Variants in GTF2F1 observed in about 807,000 individuals in gnomAD.
GTF2F1 encodes the protein general transcription factor IIF subunit 1.
In GTF2F1, 39 loss-of-function variants were observed where a neutral mutation model predicts 63.5. That is an observed-to-expected ratio of 0.61 (90% CI 0.48 to 0.80). The LOEUF (loss-of-function observed/expected upper bound fraction) is 0.80. Ranked by LOEUF, GTF2F1 falls within the 30% of genes least tolerant of loss-of-function variation. The probability of loss-of-function intolerance (pLI) is 0.00; values close to 1 mark genes in which losing one functional copy is unlikely to be tolerated. For missense variants in GTF2F1, 657 were observed against 718.3 expected (o/e 0.91, Z 0.97); for synonymous variants, 287 against 285.3 (o/e 1.01, Z -0.06).
At chr19:6,385,081 AGATTTAACATCT>A (rs1162768140) in intron 5 of GTF2F1, among the ~76,000 whole-genome samples, 1 of 152,066 alleles carries the variant, frequency 6.6e-6, no homozygotes, top group African/African-American at 2.4e-5. Flanking sequence ...TTAGCTAAGT[AGATTTAACATCT>A]GATCAAGAGA....
intron 6 of GTF2F1, among the ~76,000 whole-genome samples, chr19:6,382,054 C>G (rs550070869): frequency 6.6e-6 from 1 of 152,094 alleles, no homozygotes; most frequent in Non-Finnish European, 1.5e-5. Context: ...CCTTCTCTAG[C>G]GCTCACAGAC....
In GTF2F1 at chr19:6,391,088, G is replaced by A. The variant is rs115920954; in HGVS notation, c.132+814C>T. On this transcript the variant is annotated intron_variant, in intron 3 of 12. Transcript: ENST00000394456. ...TCTCATAACCTCCACTGCCTCCAGT[G>A]CCCTGCCAGGACTCACCTAGACCAG... Among the ~76,000 whole-genome samples, 1,191 of 152,176 alleles carry A rather than the reference G, an allele frequency of 7.8e-3. 11 individuals carry two copies. The highest frequency in any genetic ancestry group is 0.028 in the African/African-American group (1,143 of 41,510).
chr19:6,384,603 G>A (rs1201951266), intron 5 of GTF2F1, among the ~76,000 whole-genome samples: 1 of 151,590 alleles, frequency 6.6e-6, no homozygotes, highest in Non-Finnish European at 1.5e-5. Context: ...GCTTAACACT[G>A]TGAGTGGCTT....
At position 6,387,192 on chromosome 19, in the gene GTF2F1, C is replaced by T. The variant is rs2091976919; in HGVS notation, c.497+197G>A. The T allele has an allele frequency of 7.1e-6, 3 of 424,322 alleles. No individual in the cohort carries two copies. In the South Asian group the frequency reaches 7.4e-5, roughly 11 times the overall value. 26.3% of individuals were successfully genotyped at this position (424,322 alleles called of 1,614,324 possible). ...GTCACAGACTCTGGCTCTGGCAGCA[C>T]CCTCTGGGGTGCCCCATTGTGGCCC... On this transcript the variant is annotated intron_variant, in intron 5 of 12. Coordinates refer to ENST00000394456, the MANE Select transcript of GTF2F1 (RefSeq NM_002096.3).
rs949605746 is a variant in GTF2F1, at chr19:6,380,548, C to T, written c.1349+25G>A. ...ATTGTCCCCAGTAGCCCTTGCCCTG[C>T]CCCCTGCTGTCCTCGTCAACTTACC... On this transcript the variant is annotated intron_variant, in intron 12 of 12. Transcript: ENST00000394456. This position sits in a 1 kb window ranked among gnomAD's most constrained non-coding sequence, Gnocchi z 5.3. The T allele has an allele frequency of 2.5e-6, 4 of 1,611,938 alleles. No homozygotes were observed. The highest frequency in any genetic ancestry group is 3.4e-6 in the Non-Finnish European group (4 of 1,178,138).
At position 6,381,028 on chromosome 19, in the gene GTF2F1, T is replaced by C. The variant is rs2091946248; in HGVS notation, c.1107A>G (p.Pro369=). The stretch of plus-strand genomic sequence containing the variant: ...CCGACGGCTTCCGCTCTCTCTTGGG[T>C]GGCGTCTTCTTCTTCTGCAGAGGTC... ...SALFMAKKKT[P]PKRERKPSGG... Residue 369 remains proline, a synonymous_variant, in exon 11 of 13, where the codon CCA becomes CCG. Coordinates refer to ENST00000394456, the MANE Select transcript of GTF2F1 (RefSeq NM_002096.3). The surrounding 1 kb of genome is among the most constrained non-coding windows in gnomAD (Gnocchi z 4.1). 1 of 1,611,734 alleles carries C rather than the reference T, an allele frequency of 6.2e-7. No homozygotes were observed. The highest frequency in any genetic ancestry group is 8.5e-7 in the Non-Finnish European group (1 of 1,179,218).
chr19:6,381,361 T>G lies in GTF2F1; in HGVS notation c.1016A>C (p.Lys339Thr), dbSNP rs763550758. ...TATGGGGGCCACATGCGCCGCACCT[T>G]TCCTGCGCTTCTTCTCCTGCGGGGT... ...APTPQEKKRR[K>T]DSSEESDSSE... The change falls in exon 9 of 13, where the codon AAA becomes ACA. Residue 339 changes from lysine to threonine, a missense_variant and splice_region_variant. Around this residue, in one of 2 missense-constraint regions of GTF2F1, gnomAD observed 602 missense variants for 625.6 expected, o/e 0.96. Transcript: ENST00000394456. The surrounding 1 kb of genome is among the most constrained non-coding windows in gnomAD (Gnocchi z 4.1). 2 of 1,596,558 alleles carry G rather than the reference T, an allele frequency of 1.3e-6. No homozygotes were observed. Among genetic ancestry groups the G allele is most frequent in the Non-Finnish European group, 1.7e-6 (2 of 1,171,734 alleles).
intron 3 of GTF2F1, among the ~76,000 whole-genome samples, chr19:6,391,445 T>G (rs956803484): frequency 8.3e-5 from 11 of 132,094 alleles, no homozygotes; most frequent in East Asian, 6.4e-4. Flanking sequence ...TTCCGTTTTT[T>G]TTTTTTTTTT....
In GTF2F1 at chr19:6,380,511, G is replaced by A. The variant is rs776196364; in HGVS notation, c.1350-26C>T. The stretch of plus-strand genomic sequence containing the variant: ...CTGAGGATGGGAGGACGGGGAAGGT[G>A]GCATCAGTGAGATTGTCCCCAGTAG... On this transcript the variant is annotated intron_variant, in intron 12 of 12. Coordinates refer to ENST00000394456, the MANE Select transcript of GTF2F1 (RefSeq NM_002096.3). The surrounding 1 kb of genome is among the most constrained non-coding windows in gnomAD (Gnocchi z 5.3). 6.4e-5 allele frequency: 104 copies of A among 1,612,834 alleles called. No individual in the cohort carries two copies. The highest frequency in any genetic ancestry group is 8.0e-5 in the Non-Finnish European group (94 of 1,178,916).
intron 5 of GTF2F1, among the ~76,000 whole-genome samples, chr19:6,385,131 A>C (rs1014715166): frequency 6.6e-6 from 1 of 151,888 alleles, no homozygotes; most frequent in Non-Finnish European, 1.5e-5. Flanking sequence ...ACCATGGCTC[A>C]CACCTGTAAT....
Position 6,387,468 on chromosome 19 carries a change from C to A in GTF2F1, c.418G>T (p.Val140Leu). ...CPDGAFEAFP[V>L]HNWYNFTPLA... ...GGTGTGAAATTGTACCAGTTGTGCA[C>A]GGGGAAGGCCTCGAAGGCCCCGTCG... Residue 140 changes from valine (V) to leucine (L), a missense_variant, in exon 5 of 13, where the codon GTG becomes TTG. Around this residue, in one of 2 missense-constraint regions of GTF2F1, gnomAD observed 602 missense variants for 625.6 expected, o/e 0.96. Coordinates refer to ENST00000394456, the MANE Select transcript of GTF2F1 (RefSeq NM_002096.3). 1 of 1,614,186 alleles carries A rather than the reference C, an allele frequency of 6.2e-7. No homozygotes were observed. The highest frequency in any genetic ancestry group is 8.5e-7 in the Non-Finnish European group (1 of 1,179,994).
Position 6,391,897 on chromosome 19 carries a change from C to T in GTF2F1, c.132+5G>A, listed in dbSNP as rs1452137408. On this transcript the variant is annotated splice_donor_5th_base_variant and intron_variant, in intron 3 of 12. Transcript: ENST00000394456. ...GCCCCTGACCCCCAGGACTCAGAGA[C>T]TTACCTGATTCCACGTAGCAAAGTT... is the stretch of plus-strand genomic sequence containing the variant. 6.4e-7 allele frequency: 1 copy of T among 1,554,742 alleles called. No individual in the cohort carries two copies. Among genetic ancestry groups the T allele is most frequent in the South Asian group, 1.2e-5 (1 of 85,630 alleles).
chr19:6,382,799 C>CAAAA (rs1159505037), intron 6 of GTF2F1, among the ~76,000 whole-genome samples: 28 of 81,568 alleles, frequency 3.4e-4, no homozygotes, highest in Non-Finnish European at 5.2e-4. Context: ...GATCCTGTCT[C>CAAAA]AAAAAAAAAA....
rs147542094 is a variant in GTF2F1, at chr19:6,381,525, T to C, written c.898+29A>G. On this transcript the variant is annotated intron_variant, in intron 8 of 12. Transcript: ENST00000394456. The surrounding 1 kb of genome is among the most constrained non-coding windows in gnomAD (Gnocchi z 4.1). ...CAAGAGCAGGGAAGCACCGCCCCCATCTCCCCGGCCCGCCCAGCCATCGCC... is the reference window on the plus strand; with the variant it reads ...CAAGAGCAGGGAAGCACCGCCCCCACCTCCCCGGCCCGCCCAGCCATCGCC... The C allele has an allele frequency of 6.2e-7, 1 of 1,610,706 alleles. No individual in the cohort carries two copies. Among genetic ancestry groups the C allele is most frequent in the African/African-American group, 1.3e-5 (1 of 75,018 alleles).
Position 6,392,916 on chromosome 19 carries a change from G to A in GTF2F1, c.13-13C>T, listed in dbSNP as rs372647058. ...GGCTGCTAGGGCCCTGCGGAAAGAG[G>A]AAGCGGTGAGTGAGGGGTCGCCGAG... is the stretch of plus-strand genomic sequence containing the variant. On this transcript the variant is annotated splice_polypyrimidine_tract_variant and intron_variant, in intron 1 of 12. Transcript: ENST00000394456. 6 of 1,614,184 alleles carry A rather than the reference G, an allele frequency of 3.7e-6. No individual in the cohort carries two copies. Among genetic ancestry groups the A allele is most frequent in the Admixed American group, 1.7e-5 (1 of 60,032 alleles).
chr19:6,392,306 CAGA>C (rs747369004), intron 2 of GTF2F1: 71 of 487,310 alleles, frequency 1.5e-4, no homozygotes, highest in Non-Finnish European at 2.6e-4. Context: ...TGACCCCAGG[CAGA>C]AGAAGAGCAG....
intron 3 of GTF2F1, among the ~76,000 whole-genome samples, chr19:6,391,118 G>A (rs1226213434): frequency 6.6e-6 from 1 of 152,176 alleles, no homozygotes; most frequent in East Asian, 1.9e-4. Flanking sequence ...GACCAGTCCA[G>A]TTGCTTCTAC....
At position 6,380,642 on chromosome 19, in the gene GTF2F1, G is replaced by C. The variant is rs374679232; in HGVS notation, c.1280C>G (p.Thr427Arg). The C allele has an allele frequency of 1.2e-6, 2 of 1,613,506 alleles. No homozygotes were observed. The highest frequency in any genetic ancestry group is 2.7e-5 in the African/African-American group (2 of 74,884). The change falls in exon 12 of 13, where the codon ACG (threonine) becomes AGG (arginine). Residue 427 changes from threonine to arginine, a missense_variant. This residue lies in a region of GTF2F1 where 602 missense variants were observed against 625.6 expected (regional missense o/e 0.96). Transcript: ENST00000394456. The surrounding 1 kb of genome is among the most constrained non-coding windows in gnomAD (Gnocchi z 5.3). ...MPAAKRLRLD[T>R]GPQSLSGKST... Reference sequence around the variant, plus strand: ...CTTCCCAGACAGGCTCTGGGGTCCCGTGTCCAGCCGCAACCGCTTGGCTGC... The same window carrying C: ...CTTCCCAGACAGGCTCTGGGGTCCCCTGTCCAGCCGCAACCGCTTGGCTGC...
At position 6,380,060 on chromosome 19, in the gene GTF2F1, T is replaced by C. The variant is rs140532920; in HGVS notation, c.*221A>G. The C allele has an allele frequency of 9.2e-5, 55 of 600,228 alleles. No homozygotes were observed. In the East Asian group the frequency reaches 1.5e-3, roughly 16 times the overall value. 37.2% of individuals were successfully genotyped at this position (600,228 alleles called of 1,614,324 possible). ...AGAAGGCCTAACAGGCATCTGAAGA[T>C]TCCAGAAGGAAGGGCCAGAGGAGGA... On this transcript the variant is annotated 3_prime_UTR_variant, in exon 13 of 13. Coordinates refer to ENST00000394456, the MANE Select transcript of GTF2F1 (RefSeq NM_002096.3). This position sits in a 1 kb window ranked among gnomAD's most constrained non-coding sequence, Gnocchi z 5.3.
Sources: gnomAD v4.1 joint callset for allele counts (sites outside exome capture counted in the v4.1 genomes callset) on GRCh38, gnomAD v4.1.1 for gene constraint, gnomAD v4.1.1 regional missense constraint, Gnocchi (gnomAD v3.1) non-coding constraint, MANE v1.5 for transcripts, NCBI Gene and HGNC (gene_info 2026-07-23, HGNC 2026-07-21) for gene names.